DHX8: variants seen among roughly 807,000 people sequenced by gnomAD.
DHX8 encodes the protein DEAH-box helicase 8.
DHX8 carries 67 observed loss-of-function variants against 140.7 expected under a neutral mutation model. That is an observed-to-expected ratio of 0.48 (90% CI 0.39 to 0.58). The LOEUF is 0.58. DHX8 is among the 20% of genes least tolerant of loss of function. DHX8 has a pLI of 0.00. For synonymous variants in DHX8, 533 were observed against 553.2 expected (o/e 0.96, Z 0.51); for missense variants, 887 against 1,550.7 (o/e 0.57, Z 7.19).
At chr17:43,488,762 C>T (rs1293055277) in intron 1 of DHX8, among the ~76,000 whole-genome samples, 1 of 152,114 alleles carries the variant, frequency 6.6e-6, no homozygotes, top group African/African-American at 2.4e-5. Context: ...TGTGTGTCTA[C>T]ATGGGCTCAT....
downstream of DHX8, chr17:43,530,419 G>A: frequency 2.8e-6 from 4 of 1,409,338 alleles, no homozygotes; most frequent in Non-Finnish European, 3.7e-6. Context: ...GAAGGCAGCA[G>A]CGGGGGCTGG....
chr17:43,538,944 G>A (rs1360133884), intron 3 of DHX8, among the ~76,000 whole-genome samples: 5 of 152,084 alleles, frequency 3.3e-5, no homozygotes, highest in South Asian at 2.1e-4. Context: ...CCACACCCCC[G>A]GCCTATACAA....
chr17:43,544,059 G>A (rs576047076), intron 3 of DHX8: 1 of 152,224 alleles, frequency 6.6e-6, no homozygotes, highest in Non-Finnish European at 1.5e-5. Flanking sequence ...CTAGTGTTTT[G>A]GCTTCTTCAT....
chr17:43,495,120 T>G (rs529196876), intron 8 of DHX8, among the ~76,000 whole-genome samples: 17 of 152,026 alleles, frequency 1.1e-4, no homozygotes, highest in Non-Finnish European at 2.1e-4. Context: ...AGCCTATTGT[T>G]TTCATCCTTC....
intron 22 of DHX8, 110 bp from the exon 23 acceptor site, chr17:43,523,518 A>T (rs1970491879): frequency 6.6e-7 from 1 of 1,512,766 alleles, no homozygotes; most frequent in African/African-American, 1.4e-5. Flanking sequence ...GTCAGGCAGG[A>T]GAGGTAATAG....
chr17:43,508,154 G>C, intron 15 of DHX8, 135 bp downstream of exon 15: 1 of 1,149,600 alleles, frequency 8.7e-7, no homozygotes, highest in South Asian at 1.6e-5. Flanking sequence ...CAAGCCTCAG[G>C]CTTGTATGTT....
intron 11 of DHX8, among the ~76,000 whole-genome samples, chr17:43,501,615 C>T (rs1969200181): frequency 6.6e-6 from 1 of 152,178 alleles, no homozygotes; most frequent in East Asian, 1.9e-4. Flanking sequence ...TCCCAGGTAG[C>T]TGGGATTACA....
chr17:43,540,169 A>T (rs1044947961), intron 3 of DHX8, among the ~76,000 whole-genome samples: 8 of 152,194 alleles, frequency 5.3e-5, no homozygotes, highest in East Asian at 1.9e-4. Flanking sequence ...AAACACGATT[A>T]CAGCCAGGTG....
At chr17:43,507,282 C>A (rs2154586645) in intron 13 of DHX8, 85 bp downstream of exon 13, 1 of 1,434,598 alleles carries the variant, frequency 7.0e-7, no homozygotes, top group East Asian at 2.3e-5. Context: ...ATTAATAATA[C>A]TGCCTTTTTT....
intron 18 of DHX8, chr17:43,517,753 C>G (rs1026732486): frequency 6.5e-6 from 1 of 153,950 alleles, no homozygotes; most frequent in Non-Finnish European, 1.4e-5. Context: ...CAGACTGGCT[C>G]TCAGGGGCTT....
chr17:43,538,846 C>T (rs1050515747), intron 3 of DHX8, among the ~76,000 whole-genome samples: 9 of 152,152 alleles, frequency 5.9e-5, no homozygotes, highest in African/African-American at 2.2e-4. Context: ...CTGGAGACTG[C>T]TCTCAGATTG....
At position 43,525,422 on chromosome 17, in the gene DHX8, G is replaced by A. The variant is rs1163972451; in HGVS notation, c.*1575G>A. ...GTCCGAGGGAGAGGAATATAGGCCA[G>A]GCAATCTGCTGGCTGCAGATCCCTG... On this transcript the variant is annotated 3_prime_UTR_variant, in exon 23 of 23. Transcript: ENST00000262415. 2 of 983,710 alleles carry A rather than the reference G, an allele frequency of 2.0e-6. No individual in the cohort carries two copies. Among genetic ancestry groups the A allele is most frequent in the African/African-American group, 3.5e-5 (2 of 57,328 alleles). The allele number at this position is 983,710 out of a possible 1,614,324, so 60.9% of individuals were successfully genotyped here.
intron 16 of DHX8, 58 bp downstream of exon 16, chr17:43,508,578 C>A: frequency 7.9e-7 from 1 of 1,260,702 alleles, no homozygotes; most frequent in Non-Finnish European, 1.1e-6. Flanking sequence ...TGTGTGCAGC[C>A]TGTCAGCCAT....
At position 43,513,455 on chromosome 17, in the gene DHX8, A is replaced by G; in HGVS notation, c.2596A>G (p.Asn866Asp). 6.2e-7 allele frequency: 1 copy of G among 1,614,082 alleles called. No homozygotes were observed. Among genetic ancestry groups the G allele is most frequent in the Non-Finnish European group, 8.5e-7 (1 of 1,179,990 alleles). Residue 866 changes from asparagine to aspartate, a missense_variant, in exon 17 of 23, where the codon AAT (asparagine) becomes GAT (aspartate). Asn to Asp is a conservative substitution (Grantham distance 23). This residue lies in a region of DHX8 where 151 missense variants were observed against 388.3 expected (regional missense o/e 0.39). Coordinates refer to ENST00000262415, the MANE Select transcript of DHX8 (RefSeq NM_004941.3). ...DPGFVKQKVY[N>D]SKTGIDQLVV... is the part of the protein sequence containing the mutation. ...AGGATTCGTGAAACAGAAAGTTTAC[A>G]ATTCCAAGACAGGGATTGACCAGCT...
intron 17 of DHX8, among the ~76,000 whole-genome samples, chr17:43,516,533 C>T (rs1460029873): frequency 1.3e-5 from 2 of 152,134 alleles, no homozygotes; most frequent in Non-Finnish European, 2.9e-5. Flanking sequence ...CAGCCAGCCT[C>T]GACCTCCCCA....
At chr17:43,509,172 G>C (rs1208211838) in intron 16 of DHX8, among the ~76,000 whole-genome samples, 1 of 152,172 alleles carries the variant, frequency 6.6e-6, no homozygotes, top group Non-Finnish European at 1.5e-5. Context: ...TGCCACTCAT[G>C]CTTGGATACC....
chr17:43,485,900 A>G (rs945530160), intron 1 of DHX8, among the ~76,000 whole-genome samples: 2 of 152,256 alleles, frequency 1.3e-5, no homozygotes, highest in African/African-American at 4.8e-5. Flanking sequence ...CAGTAACATT[A>G]AAAGTACTAA....
At chr17:43,499,372 A>G (rs1160731832) in intron 10 of DHX8, among the ~76,000 whole-genome samples, 1 of 152,218 alleles carries the variant, frequency 6.6e-6, no homozygotes, top group Non-Finnish European at 1.5e-5. Flanking sequence ...ACCAGAATTC[A>G]TAGAACAATA....
At chr17:43,530,511 C>T, downstream of DHX8, 2 of 1,107,774 alleles carry the variant, frequency 1.8e-6, no homozygotes, top group South Asian at 1.9e-5. Flanking sequence ...GTGAGATGAA[C>T]GTCCGGGGAA....
Sources: gnomAD v4.1 joint callset for allele counts (sites outside exome capture counted in the v4.1 genomes callset) on GRCh38, gnomAD v4.1.1 for gene constraint, gnomAD v4.1.1 regional missense constraint, MANE v1.5 for transcripts, NCBI Gene and HGNC (gene_info 2026-07-23, HGNC 2026-07-21) for gene names.